The following HDAC8 variants were observed in gnomAD, a reference collection of about 807,000 sequenced individuals.
The protein encoded by HDAC8 is histone deacetylase-like 1.
HDAC8 carries 1 observed loss-of-function variant against 32.2 expected under a neutral mutation model. That is an observed-to-expected ratio of 0.03 (90% CI 0.01 to 0.15). The LOEUF is 0.15. Ranked by LOEUF, HDAC8 falls within the 10% of genes least tolerant of loss-of-function variation. The pLI is 1.00. For missense variants in HDAC8, 117 were observed against 300.0 expected (o/e 0.39, Z 4.51); for synonymous variants, 108 against 113.9 (o/e 0.95, Z 0.33).
chrX:72,334,669 G>A (rs1555941836), intron 10 of HDAC8, among the ~76,000 whole-genome samples: 1 of 112,188 alleles, frequency 8.9e-6, no homozygotes, highest in Non-Finnish European at 1.9e-5. Context: ...AATATCATAT[G>A]AGGCATTAAG....
intron 9 of HDAC8, among the ~76,000 whole-genome samples, chrX:72,439,738 T>C (rs1202956888): frequency 1.9e-5 from 2 of 107,086 alleles, no homozygotes; most frequent in African/African-American, 6.8e-5. Context: ...GGGCATTACA[T>C]AATGGTAAAG....
chrX:72,543,625 C>T, intron 4 of HDAC8, among the ~76,000 whole-genome samples: 1 of 112,039 alleles, frequency 8.9e-6, no homozygotes, highest in South Asian at 3.8e-4. Flanking sequence ...AGGCATACTA[C>T]AGGTTAGGTC....
At chrX:72,332,303 A>G (rs182189077) in intron 10 of HDAC8, among the ~76,000 whole-genome samples, 2 of 112,804 alleles carry the variant, frequency 1.8e-5, no homozygotes, top group East Asian at 2.8e-4. Context: ...GCTCAACAGA[A>G]TAATTGCTGG....
At chrX:72,410,353 G>T (rs1247111359) in intron 9 of HDAC8, among the ~76,000 whole-genome samples, 1 of 110,920 alleles carries the variant, frequency 9.0e-6, no homozygotes, top group African/African-American at 3.3e-5. Context: ...ACCCAGAGCA[G>T]ACTGGGCATG....
intron 4 of HDAC8, among the ~76,000 whole-genome samples, chrX:72,535,305 G>T (rs1169663505): frequency 9.0e-6 from 1 of 111,647 alleles, no homozygotes; most frequent in Non-Finnish European, 1.9e-5. Context: ...TTGGTCTGAG[G>T]TGAGAGGCAT....
chrX:72,442,852 A>C (rs1223799811), intron 9 of HDAC8, among the ~76,000 whole-genome samples: 1 of 110,895 alleles, frequency 9.0e-6, no homozygotes, highest in Non-Finnish European at 1.9e-5. Context: ...TCTACCAAGC[A>C]AATGGAAAAC....
chrX:72,551,191 T>C (rs1401223738), intron 4 of HDAC8, among the ~76,000 whole-genome samples: 4 of 109,760 alleles, frequency 3.6e-5, no homozygotes, highest in African/African-American at 1.3e-4. Flanking sequence ...TTAAAAGTGG[T>C]TCAAAACAGA....
At chrX:72,332,153 A>G (rs1294490586) in intron 10 of HDAC8, among the ~76,000 whole-genome samples, 1 of 112,600 alleles carries the variant, frequency 8.9e-6, no homozygotes, top group Non-Finnish European at 1.9e-5. Flanking sequence ...CACAGTATGG[A>G]TGTAGCACAA....
intron 7 of HDAC8, among the ~76,000 whole-genome samples, chrX:72,475,980 C>T (rs185475052): frequency 9.9e-5 from 11 of 111,367 alleles, no homozygotes; most frequent in East Asian, 8.5e-4. Context: ...CATTCTAACA[C>T]GCCTTGTAGT....
chrX:72,450,095 A>G (rs2047532641), intron 9 of HDAC8, among the ~76,000 whole-genome samples: 1 of 112,598 alleles, frequency 8.9e-6, no homozygotes, highest in South Asian at 3.7e-4. Flanking sequence ...CTATTAATGT[A>G]TGGAACAAAT....
At chrX:72,515,587 T>TGG (rs61675419) in intron 4 of HDAC8, among the ~76,000 whole-genome samples, 8 of 33,717 alleles carry the variant, frequency 2.4e-4, no homozygotes, top group Non-Finnish European at 3.1e-4. Context: ...TCAGTGTGTG[T>TGG]GGGGGGGGGG....
chrX:72,466,359 A>T (rs2048016791), intron 7 of HDAC8, among the ~76,000 whole-genome samples: 1 of 112,234 alleles, frequency 8.9e-6, no homozygotes. Flanking sequence ...CCGGAAATAG[A>T]GGGAAAGACA....
At chrX:72,431,225 G>A (rs1248899719) in intron 9 of HDAC8, among the ~76,000 whole-genome samples, 1 of 111,701 alleles carries the variant, frequency 9.0e-6, no homozygotes, top group African/African-American at 3.3e-5. Context: ...ACCACCTCCC[G>A]CAACGTGCCT....
chrX:72,330,458 G>A (rs374148772), intron 10 of HDAC8, among the ~76,000 whole-genome samples: 7 of 111,120 alleles, frequency 6.3e-5, no homozygotes, highest in Admixed American at 5.8e-4. Flanking sequence ...TCTCTCTCTC[G>A]TAACACTTTT....
intron 9 of HDAC8, among the ~76,000 whole-genome samples, chrX:72,424,176 C>T (rs2046566685): frequency 8.9e-6 from 1 of 111,985 alleles, no homozygotes. Flanking sequence ...AAGTCCAATG[C>T]CATTCTGATT....
chrX:72,453,464 T>TAAATAAATAAAG (rs79152861), intron 9 of HDAC8, among the ~76,000 whole-genome samples: 1 of 67,247 alleles, frequency 1.5e-5, no homozygotes, highest in African/African-American at 6.1e-5. Flanking sequence ...CTCTTAAAAA[T>TAAATAAATAAAG]AAAGAAAGAA....
intron 2 of HDAC8, chrX:72,571,816 A>G (rs922826291): frequency 7.4e-5 from 21 of 283,378 alleles, no homozygotes; most frequent in Non-Finnish European, 1.2e-4. Flanking sequence ...CGATCCACCC[A>G]CCTAGGCCTC....
intron 7 of HDAC8, 120 bp downstream of exon 7, chrX:72,488,813 G>A: frequency 2.5e-6 from 1 of 398,918 alleles, no homozygotes; most frequent in Non-Finnish European, 4.3e-6. Flanking sequence ...GTATACAAAA[G>A]CTTTATAGGT....
At chrX:72,425,773 A>G (rs1423379503) in intron 9 of HDAC8, among the ~76,000 whole-genome samples, 6 of 111,053 alleles carry the variant, frequency 5.4e-5, no homozygotes, top group Non-Finnish European at 1.1e-4. Flanking sequence ...ATCCCCTTAG[A>G]TGCCCCTACA....
Sources: allele counts gnomAD v4.1 joint callset (sites outside exome capture counted in the v4.1 genomes callset), GRCh38; gene constraint gnomAD v4.1.1; transcripts MANE v1.5; gene names NCBI Gene and HGNC (gene_info 2026-07-23, HGNC 2026-07-21).